DMD: variants seen among roughly 807,000 people sequenced by gnomAD.
The protein encoded by DMD is mutant dystrophin.
DMD carries 63 observed loss-of-function variants against 330.1 expected under a neutral mutation model. That is an observed-to-expected ratio of 0.19 (90% confidence interval 0.16 to 0.24). The LOEUF (loss-of-function observed/expected upper bound fraction) is 0.24. Among genes scored for constraint, DMD ranks in the 10% least tolerant of loss-of-function variants. The pLI is 1.00. For missense variants in DMD, 3,344 were observed against 2,684.1 expected, an observed-to-expected ratio of 1.25 and a Z score of -5.43; for synonymous variants, 1,223 against 959.8, an observed-to-expected ratio of 1.27 and a Z score of -5.07.
At chrX:32,651,632 T>C (rs1462142195) in intron 9 of DMD, among the ~76,000 whole-genome samples, 3 of 111,214 alleles carry the variant, frequency 2.7e-5, no homozygotes, top group Non-Finnish European at 3.8e-5. Flanking sequence ...GATACCAGAA[T>C]ACCAGAAAGA....
At chrX:31,507,767 G>A (rs1033418733) in intron 55 of DMD, among the ~76,000 whole-genome samples, 6 of 111,950 alleles carry the variant, frequency 5.4e-5, no homozygotes, top group African/African-American at 1.9e-4. Context: ...TGGACAAAAT[G>A]TATTATTTTA....
At chrX:32,499,570 T>A (rs1013314591) in intron 19 of DMD, among the ~76,000 whole-genome samples, 1 of 111,832 alleles carries the variant, frequency 8.9e-6, no homozygotes, top group Non-Finnish European at 1.9e-5. Context: ...AGGGCAAGAA[T>A]GTATGTGTCT....
chrX:31,706,161 A>AG (rs201427829), intron 52 of DMD, among the ~76,000 whole-genome samples: 1,942 of 109,689 alleles, frequency 0.018, 50 homozygotes, highest in African/African-American at 0.061. Flanking sequence ...AAAAAAAAAA[A>AG]AAGCAAAACC....
In DMD at chrX:32,749,797, AT is replaced by A. The variant is rs1232729764; in HGVS notation, c.650-50505del. ...TATCATGTCTGTAAACAACAAAAAA[AT>A]GACACACAATTAAAAGCCAAAAAAC... On this transcript the variant is annotated intron_variant, in intron 7 of 78. Transcript: ENST00000357033. 1.3e-4 allele frequency among the ~76,000 whole-genome samples: 15 copies of A among 112,571 alleles called. No homozygotes were observed. The East Asian group carries it at 1.7e-3, about 13-fold the overall frequency.
intron 2 of DMD, among the ~76,000 whole-genome samples, chrX:32,859,265 C>T (rs1287606647): frequency 2.7e-5 from 3 of 110,099 alleles, no homozygotes; most frequent in African/African-American, 6.6e-5. Flanking sequence ...GTCAGGAGTT[C>T]GAGACCAGCC....
intron 1 of DMD, chrX:33,159,518 G>A (rs2048666536): frequency 9.0e-6 from 1 of 111,717 alleles, no homozygotes; most frequent in Non-Finnish European, 1.9e-5. Flanking sequence ...TCCCACTTAT[G>A]AGTGAGAACA....
chrX:31,354,148 C>A (rs1247020142), intron 60 of DMD, among the ~76,000 whole-genome samples: 1 of 111,627 alleles, frequency 9.0e-6, no homozygotes, highest in Non-Finnish European at 1.9e-5. Flanking sequence ...AAAAAAAGGT[C>A]CTTTTTTATA....
intron 44 of DMD, among the ~76,000 whole-genome samples, chrX:32,130,067 T>C (rs1569545559): frequency 9.1e-6 from 1 of 109,317 alleles, no homozygotes; most frequent in Non-Finnish European, 1.9e-5. Context: ...CTCTTTTCTT[T>C]GAGGTCTCAG....
At chrX:31,191,431 AATCTC>A (rs1006280268) in intron 67 of DMD, among the ~76,000 whole-genome samples, 1 of 111,345 alleles carries the variant, frequency 9.0e-6, no homozygotes, top group African/African-American at 3.3e-5. Flanking sequence ...TCCCCACCCA[AATCTC>A]ATCTTGAATT....
chrX:32,352,972 A>G (rs1195938734), intron 37 of DMD, among the ~76,000 whole-genome samples: 1 of 111,356 alleles, frequency 9.0e-6, no homozygotes, highest in East Asian at 2.8e-4. Flanking sequence ...TCTATTTTCC[A>G]GTGAAAACAC....
chrX:32,508,078 T>G (rs1373836705), intron 18 of DMD, among the ~76,000 whole-genome samples: 1 of 110,778 alleles, frequency 9.0e-6, no homozygotes, highest in Non-Finnish European at 1.9e-5. Context: ...ATTTAACTAT[T>G]AATTCAGCAG....
chrX:32,717,753 G>A (rs1453130244), intron 7 of DMD, among the ~76,000 whole-genome samples: 5 of 111,246 alleles, frequency 4.5e-5, no homozygotes, highest in African/African-American at 1.3e-4. Flanking sequence ...ACAACTAAGG[G>A]TGCTGTACAC....
chrX:32,012,079 GACA>G (rs1232062656), intron 44 of DMD, among the ~76,000 whole-genome samples: 1 of 111,813 alleles, frequency 8.9e-6, no homozygotes, highest in African/African-American at 3.3e-5. Context: ...TCATTCCTGG[GACA>G]ACAATGTGAT....
chrX:31,817,476 T>A (rs2092661298), intron 50 of DMD, among the ~76,000 whole-genome samples: 1 of 111,746 alleles, frequency 8.9e-6, no homozygotes, highest in Non-Finnish European at 1.9e-5. Context: ...TTTGTTTTTT[T>A]TTTCATTCAA....
At chrX:32,735,055 A>G (rs1400058175) in intron 7 of DMD, among the ~76,000 whole-genome samples, 1 of 111,116 alleles carries the variant, frequency 9.0e-6, no homozygotes, top group Non-Finnish European at 1.9e-5. Flanking sequence ...CTGATAGGGA[A>G]CTTCAGCAAA....
At chrX:32,164,430 T>C (rs2096860631) in intron 44 of DMD, among the ~76,000 whole-genome samples, 1 of 111,193 alleles carries the variant, frequency 9.0e-6, no homozygotes. Flanking sequence ...GGAGTAAAGG[T>C]CATTCTTGCT....
intron 45 of DMD, among the ~76,000 whole-genome samples, chrX:31,951,139 ATGTG>A (rs1331847049): frequency 1.7e-3 from 123 of 71,879 alleles, no homozygotes; most frequent in African/African-American, 3.2e-3. Flanking sequence ...ATATATATAT[ATGTG>A]TATATATATA....
chrX:32,979,285 G>C (rs1278774140), intron 2 of DMD, among the ~76,000 whole-genome samples: 1 of 111,978 alleles, frequency 8.9e-6, no homozygotes. Context: ...TTACTCTGGA[G>C]AGTAACCAAT....
chrX:32,292,106 C>T (rs1302742593), intron 42 of DMD, among the ~76,000 whole-genome samples: 1 of 109,866 alleles, frequency 9.1e-6, no homozygotes, highest in Non-Finnish European at 1.9e-5. Context: ...CCTCCTGATA[C>T]ATCAGGTGCT....
Sources: allele counts gnomAD v4.1 joint callset (sites outside exome capture counted in the v4.1 genomes callset), GRCh38; gene constraint gnomAD v4.1.1; transcripts MANE v1.5; gene names NCBI Gene and HGNC (gene_info 2026-07-23, HGNC 2026-07-21).